Variants in SOD2 observed in about 807,000 individuals in gnomAD.
SOD2 encodes the protein superoxide dismutase 2, also known as superoxide dismutase [Mn], mitochondrial.
In SOD2, 11 loss-of-function variants were observed where a neutral mutation model predicts 27.0. The observed-to-expected ratio is 0.41, with a 90% CI of 0.26 to 0.67. The LOEUF (loss-of-function observed/expected upper bound fraction) is 0.67. Among genes scored for constraint, SOD2 ranks in the 30% least tolerant of loss-of-function variants. The pLI is 0.34. For synonymous variants in SOD2, 105 were observed against 103.0 expected, an observed-to-expected ratio of 1.02 and a Z score of -0.12; for missense variants, 250 against 274.5, an observed-to-expected ratio of 0.91 and a Z score of 0.63.
At chr6:159,693,823 C>T (rs548999045), upstream of SOD2, among the ~76,000 whole-genome samples, 1 of 152,232 alleles carries the variant, frequency 6.6e-6, no homozygotes, top group Non-Finnish European at 1.5e-5. Flanking sequence ...ATTCAGTACT[C>T]TTGCGCCGTA....
chr6:159,702,850 GAAAAAAAA>G (rs35570449), intron 1 of SOD2, among the ~76,000 whole-genome samples: 17 of 30,676 alleles, frequency 5.5e-4, no homozygotes, highest in South Asian at 2.3e-3. Flanking sequence ...ACCCTATCTC[GAAAAAAAA>G]AAAAAAAAAA....
exon 1 of SOD2, chr6:159,762,066 A>G (rs753815277): frequency 6.2e-7 from 1 of 1,612,186 alleles, no homozygotes; most frequent in South Asian, 1.1e-5. Flanking sequence ...AGCGCAGGGC[A>G]GACGGCGGCA....
At chr6:159,733,191 A>G (rs1253352432) in intron 1 of SOD2, among the ~76,000 whole-genome samples, 1 of 152,146 alleles carries the variant, frequency 6.6e-6, no homozygotes, top group Non-Finnish European at 1.5e-5. Flanking sequence ...AATAATATAC[A>G]TTTTATATCA....
intron 1 of SOD2, chr6:159,756,175 A>G (rs1780007109): frequency 6.5e-6 from 1 of 152,882 alleles, no homozygotes; most frequent in Non-Finnish European, 1.5e-5. Context: ...TTTTCTCTTT[A>G]GGTGACTGTT....
At chr6:159,695,580 G>A (rs529416729), upstream of SOD2, among the ~76,000 whole-genome samples, 9 of 152,242 alleles carry the variant, frequency 5.9e-5, no homozygotes, top group African/African-American at 1.9e-4. Context: ...TGATTGCAGC[G>A]ACTTGCTGGG....
intron 4 of SOD2, among the ~76,000 whole-genome samples, chr6:159,684,040 C>A (rs565717938): frequency 2.6e-5 from 4 of 152,152 alleles, no homozygotes; most frequent in African/African-American, 9.7e-5. Flanking sequence ...CAATTAGGCT[C>A]AACAGCAAAG....
exon 1 of SOD2, chr6:159,727,352 G>A (rs781413171): frequency 2.0e-3 from 2,369 of 1,175,384 alleles, no homozygotes; most frequent in Non-Finnish European, 2.5e-3. Context: ...GCCAGAAGGC[G>A]AACATGGCGG....
At chr6:159,711,829 AGCTGCTCTGAC>A (rs1777784462) in intron 1 of SOD2, among the ~76,000 whole-genome samples, 1 of 106,808 alleles carries the variant, frequency 9.4e-6, no homozygotes, top group Non-Finnish European at 2.0e-5. Context: ...ACCACCACTC[AGCTGCTCTGAC>A]CACCATAACC....
chr6:159,693,252 C>G (rs1243328995), upstream of SOD2: 1 of 1,326,250 alleles, frequency 7.5e-7, no homozygotes, highest in African/African-American at 1.5e-5. Flanking sequence ...GCCGCTCCTG[C>G]GCCGCCCGCG....
At position 159,693,214 on chromosome 6, in the gene SOD2, C is replaced by T. The variant is rs199543686; in HGVS notation, c.-47G>A. On this transcript the variant is annotated 5_prime_UTR_variant, in exon 1 of 5. Transcript: ENST00000538183. The stretch of plus-strand genomic sequence containing the variant: ...GCTGATGCCGCCGATCTGCTGAAGC[C>T]GCTGCCGAAGCCACCACAGCCACGA... 1 of 1,501,428 alleles carries T rather than the reference C, an allele frequency of 6.7e-7. No homozygotes were observed. Among genetic ancestry groups the T allele is most frequent in the Non-Finnish European group, 8.9e-7 (1 of 1,119,160 alleles). The allele number at this position is 1,501,428 out of a possible 1,614,324, so 93.0% of individuals were successfully genotyped here. A position where few individuals can be genotyped will look rare whatever the true frequency, so the allele number is the denominator to read the frequency against.
Position 159,682,439 on chromosome 6 carries a change from C to G in SOD2, c.*54G>C, listed in dbSNP as rs1780001186. ...TTACTGTATTCTGCAGTACTCTATA[C>G]CACTACAAAAACAGTCATAAAGAGC... On this transcript the variant is annotated 3_prime_UTR_variant, in exon 5 of 5. Coordinates refer to ENST00000538183, the MANE Select transcript of SOD2 (RefSeq NM_000636.4). The G allele has an allele frequency of 3.9e-6, 6 of 1,552,794 alleles. No individual in the cohort carries two copies. The African/African-American group carries it at 4.1e-5, about 11-fold the overall frequency.
At position 159,682,616 on chromosome 6, in the gene SOD2, A is replaced by T. The variant is rs763204407; in HGVS notation, c.546T>A (p.Ile182=). The change falls in exon 5 of 5, where the codon ATT becomes ATA. Residue 182 remains isoleucine (I), a synonymous_variant. Coordinates refer to ENST00000538183, the MANE Select transcript of SOD2 (RefSeq NM_000636.4). ...GGTAGTAAGCGTGCTCCCACACATC[A>T]ATCCCCAGCAGTGGAATAAGGCCTG... is the stretch of plus-strand genomic sequence containing the variant. The part of the protein sequence containing the change: ...GTTGLIPLLG[I]DVWEHAYYLQ... 5.0e-6 allele frequency: 8 copies of T among 1,612,940 alleles called. No homozygotes were observed. The highest frequency in any genetic ancestry group is 5.9e-6 in the Non-Finnish European group (7 of 1,179,642).
chr6:159,692,676 C>T lies in SOD2; in HGVS notation c.211G>A (p.Glu71Lys), dbSNP rs1337984484. 1 of 1,614,032 alleles carries T rather than the reference C, an allele frequency of 6.2e-7. No homozygotes were observed. Among genetic ancestry groups the T allele is most frequent in the Admixed American group, 1.7e-5 (1 of 59,998 alleles). ...TGGAACCTACCCTTGGCCAACGCCTCCTGGTACTTCTCCTCGGTGACGTTC... is the reference window on the plus strand; with the variant it reads ...TGGAACCTACCCTTGGCCAACGCCTTCTGGTACTTCTCCTCGGTGACGTTC... ...NLNVTEEKYQ[E>K]ALAKGDVTAQ... Residue 71 changes from glutamate (E) to lysine (K), a missense_variant, in exon 2 of 5, where the codon GAG (glutamate) becomes AAG (lysine). Transcript: ENST00000538183.
upstream of SOD2, among the ~76,000 whole-genome samples, chr6:159,694,824 G>A (rs1212814096): frequency 6.6e-6 from 1 of 150,614 alleles, no homozygotes; most frequent in Non-Finnish European, 1.5e-5. Context: ...GGATGGTCTC[G>A]AACGCCTGAC....
At chr6:159,750,377 TTC>T (rs1779774447) in intron 1 of SOD2, among the ~76,000 whole-genome samples, 1 of 152,192 alleles carries the variant, frequency 6.6e-6, no homozygotes, top group African/African-American at 2.4e-5. Flanking sequence ...TGTTAAAATT[TTC>T]TCTTTTAATA....
chr6:159,759,090 G>C (rs1200483268), intron 1 of SOD2, among the ~76,000 whole-genome samples: 7 of 148,052 alleles, frequency 4.7e-5, no homozygotes, highest in Non-Finnish European at 1.0e-4. Context: ...ATGGAGTTTC[G>C]CTCTTGTTGC....
intron 1 of SOD2, among the ~76,000 whole-genome samples, chr6:159,711,700 C>G (rs1167895816): frequency 2.6e-5 from 3 of 115,808 alleles, no homozygotes; most frequent in African/African-American, 6.3e-5. Flanking sequence ...ATAACCACCA[C>G]TCACACTGCT....
upstream of SOD2, among the ~76,000 whole-genome samples, chr6:159,729,076 C>T (rs1029101698): frequency 3.3e-5 from 5 of 152,082 alleles, no homozygotes; most frequent in African/African-American, 1.2e-4. Flanking sequence ...AGAGATGAAA[C>T]ACAATGTGTA....
chr6:159,671,178 C>G lies in SOD2; in HGVS notation c.*11315G>C, dbSNP rs1332907060. The G allele has an allele frequency of 6.6e-6, 1 of 152,364 alleles. No individual in the cohort carries two copies. The highest frequency in any genetic ancestry group is 6.5e-5 in the Admixed American group (1 of 15,284). 9.4% of individuals were successfully genotyped at this position (152,364 alleles called of 1,614,324 possible). ...CTCCACCTCTGGGGGCATGGCATAG[C>G]CGAACAAAAGGCAGCAGAAATCTCT... On this transcript the variant is annotated 3_prime_UTR_variant, in exon 5 of 5. Transcript: ENST00000538183.
Sources: gnomAD v4.1 joint callset for allele counts (sites outside exome capture counted in the v4.1 genomes callset) on GRCh38, gnomAD v4.1.1 for gene constraint, MANE v1.5 for transcripts, NCBI Gene and HGNC (gene_info 2026-07-23, HGNC 2026-07-21) for gene names.